The following ANKFN1 variants were observed in gnomAD, a reference collection of about 807,000 sequenced individuals.
ANKFN1 encodes the protein ankyrin repeat and fibronectin type-III domain-containing protein 1.
In ANKFN1, 74 loss-of-function variants were observed where a neutral mutation model predicts 108.7. That is an observed-to-expected ratio of 0.68 (90% CI 0.56 to 0.83). The LOEUF (loss-of-function observed/expected upper bound fraction) is 0.83. Ranked by LOEUF, ANKFN1 falls within the 40% of genes least tolerant of loss-of-function variation. ANKFN1 has a pLI of 0.00. For synonymous variants in ANKFN1, 547 were observed against 516.2 expected (o/e 1.06, Z -0.81); for missense variants, 1,505 against 1,382.3 (o/e 1.09, Z -1.41).
intron 5 of ANKFN1, among the ~76,000 whole-genome samples, chr17:56,351,438 G>C (rs8066008): frequency 1.7e-5 from 2 of 118,894 alleles, no homozygotes; most frequent in Non-Finnish European, 3.9e-5. Flanking sequence ...AGGAAAGTAA[G>C]GGAAAAATAT....
chr17:56,281,687 C>T (rs1383049315), intron 3 of ANKFN1, among the ~76,000 whole-genome samples: 1 of 152,144 alleles, frequency 6.6e-6, no homozygotes, highest in Non-Finnish European at 1.5e-5. Context: ...AGGCAAAAAA[C>T]TTGAACAAAC....
At chr17:56,393,970 G>A (rs963265539) in intron 8 of ANKFN1, among the ~76,000 whole-genome samples, 1 of 152,238 alleles carries the variant, frequency 6.6e-6, no homozygotes, top group Admixed American at 6.5e-5. Flanking sequence ...GTATCAGGTA[G>A]TGCACAAGCC....
rs957724 is a variant in ANKFN1, at chr17:56,372,677, C to A, written c.633C>A (p.Leu211=). The A allele has an allele frequency of 0.66, 1,065,783 of 1,612,734 alleles. 361,209 individuals carry two copies. Among genetic ancestry groups the A allele is most frequent in the East Asian group, 0.94 (42,002 of 44,828 alleles). Residue 211 remains leucine (L), a synonymous_variant, in exon 7 of 21, where the codon CTC becomes CTA. Coordinates refer to ENST00000682825, the MANE Select transcript of ANKFN1 (RefSeq NM_001370326.1). Reference sequence around the variant, plus strand: ...GCCTGGAAAGCCGAGCAATGCACCTCAACACACTGGTCCAGGAAGCCCAGG... The same window carrying A: ...GCCTGGAAAGCCGAGCAATGCACCTAAACACACTGGTCCAGGAAGCCCAGG... The part of the protein sequence containing the change: ...FVSLESRAMH[L]NTLVQEAQER...
chr17:56,228,115 T>TCAATAGTATGTTATA, intron 3 of ANKFN1, 158 bp downstream of exon 3: 1 of 597,362 alleles, frequency 1.7e-6, no homozygotes, highest in Non-Finnish European at 2.8e-6. Flanking sequence ...TTGTATAACA[T>TCAATAGTATGTTATA]CATGGAACAT....
At chr17:56,202,788 A>G (rs976064336) in intron 1 of ANKFN1, among the ~76,000 whole-genome samples, 1 of 152,240 alleles carries the variant, frequency 6.6e-6, no homozygotes, top group Admixed American at 6.5e-5. Context: ...AATATTCTGG[A>G]ACTGTTCAAA....
rs183405471 is a variant in ANKFN1, at chr17:56,085,399, C to A, written c.288+39074C>A. On this transcript the variant is annotated intron_variant, in intron 4 of 12. Coordinates refer to the ANKFN1 transcript ENST00000635860. ...AGGCCATGTGAAAACAGAGGCAGAACTTAGTGATGTGGCCACAAGCCAAGG... is the reference window on the plus strand; with the variant it reads ...AGGCCATGTGAAAACAGAGGCAGAAATTAGTGATGTGGCCACAAGCCAAGG... Among the ~76,000 whole-genome samples, 261 of 150,806 alleles carry A rather than the reference C, an allele frequency of 1.7e-3. 6 individuals carry two copies. The highest frequency in any genetic ancestry group is 6.1e-3 in the African/African-American group (250 of 41,100).
chr17:56,182,455 CACA>C (rs1911778966), intron 1 of ANKFN1, among the ~76,000 whole-genome samples: 1 of 152,152 alleles, frequency 6.6e-6, no homozygotes, highest in Admixed American at 6.6e-5. Context: ...TCAAACCAGA[CACA>C]ACATTTCCCA....
chr17:56,243,774 C>T (rs1373257049), intron 3 of ANKFN1, among the ~76,000 whole-genome samples: 1 of 152,110 alleles, frequency 6.6e-6, no homozygotes, highest in Non-Finnish European at 1.5e-5. Flanking sequence ...TACACGCACA[C>T]ATACACACAT....
chr17:56,285,852 T>C (rs1392949524), intron 3 of ANKFN1, among the ~76,000 whole-genome samples: 2 of 151,624 alleles, frequency 1.3e-5, no homozygotes, highest in Non-Finnish European at 3.0e-5. Flanking sequence ...ATGATGATGA[T>C]GATGATGATG....
intron 2 of ANKFN1, among the ~76,000 whole-genome samples, chr17:56,214,022 T>C (rs781071344): frequency 3.9e-5 from 6 of 152,174 alleles, no homozygotes; most frequent in African/African-American, 1.4e-4. Context: ...TTACTCCAGA[T>C]GTAGGTATAA....
chr17:56,193,460 T>C (rs572021818), intron 1 of ANKFN1, among the ~76,000 whole-genome samples: 1 of 150,494 alleles, frequency 6.6e-6, no homozygotes, highest in Admixed American at 6.6e-5. Context: ...TGTAGCGTTT[T>C]TAAAAAAAAA....
rs1256862478 is a variant in ANKFN1 at position 56,467,810 on chromosome 17, G to GAA, written c.1773+1241_1773+1242dup. Among the ~76,000 whole-genome samples the GAA allele has an allele frequency of 7.6e-4, 28 of 36,728 alleles. 1 individual carries two copies. Among genetic ancestry groups the GAA allele is most frequent in the African/African-American group, 1.5e-3 (12 of 8,090 alleles). The allele number at this position is 36,728 out of a possible 152,430, so 24.1% of individuals were successfully genotyped here. A position where few individuals can be genotyped will look rare whatever the true frequency, so the allele number is the denominator to read the frequency against. The stretch of plus-strand genomic sequence containing the variant: ...AAGAAAGAAGAAAGAAAGAAAGAAA[G>GAA]AAAGAAAGAAAGAAAGAAAGAAAGA... On this transcript the variant is annotated intron_variant, in intron 15 of 20. Coordinates refer to ENST00000682825, the MANE Select transcript of ANKFN1 (RefSeq NM_001370326.1).
chr17:56,170,041 T>G (rs1204848965), intron 1 of ANKFN1, among the ~76,000 whole-genome samples: 1 of 152,118 alleles, frequency 6.6e-6, no homozygotes, highest in Non-Finnish European at 1.5e-5. Context: ...AAAAAAGACC[T>G]TGCAAGCCCC....
chr17:56,279,544 A>AAC (rs1188393818), intron 3 of ANKFN1, among the ~76,000 whole-genome samples: 2 of 152,192 alleles, frequency 1.3e-5, no homozygotes, highest in African/African-American at 4.8e-5. Context: ...GGAGCAGAAT[A>AAC]ACACACCTGG....
At chr17:56,294,248 C>T (rs2044447078) in intron 3 of ANKFN1, among the ~76,000 whole-genome samples, 1 of 152,182 alleles carries the variant, frequency 6.6e-6, no homozygotes, top group Non-Finnish European at 1.5e-5. Flanking sequence ...GCCCTGTTTC[C>T]CTCCAGTGGC....
At chr17:56,465,161 G>A (rs1417187912) in intron 14 of ANKFN1, among the ~76,000 whole-genome samples, 1 of 151,912 alleles carries the variant, frequency 6.6e-6, no homozygotes, top group Non-Finnish European at 1.5e-5. Context: ...GTACCCCACA[G>A]GGCTGGACTA....
chr17:56,228,802 T>C (rs987955788), intron 3 of ANKFN1, among the ~76,000 whole-genome samples: 1 of 152,098 alleles, frequency 6.6e-6, no homozygotes, highest in Non-Finnish European at 1.5e-5. Flanking sequence ...GGTTGAGTCA[T>C]GTACCCTCAT....
rs200266803 is a variant in ANKFN1, at chr17:56,515,971, AT to A, written c.*4711del. Among the ~76,000 whole-genome samples the A allele has an allele frequency of 2.6e-5, 4 of 151,860 alleles. No individual in the cohort carries two copies. The highest frequency in any genetic ancestry group is 2.1e-4 in the South Asian group (1 of 4,802). Reference sequence around the variant, plus strand: ...TTATCATAGGGTCTTTCTCCTACAGATTTTTTTTTATTTTAGCAAAAGCCAA... The same window carrying A: ...TTATCATAGGGTCTTTCTCCTACAGATTTTTTTTATTTTAGCAAAAGCCAA... On this transcript the variant is annotated 3_prime_UTR_variant, in exon 21 of 21. Transcript: ENST00000682825.
chr17:56,257,154 A>G (rs1309830457), intron 3 of ANKFN1, among the ~76,000 whole-genome samples: 3 of 152,226 alleles, frequency 2.0e-5, no homozygotes, highest in Non-Finnish European at 2.9e-5. Flanking sequence ...GGTGCCTGGT[A>G]TAGTAAGAAC....
Sources: allele counts gnomAD v4.1 joint callset (sites outside exome capture counted in the v4.1 genomes callset), GRCh38; gene constraint gnomAD v4.1.1; transcripts MANE v1.5; gene names NCBI Gene and HGNC (gene_info 2026-07-23, HGNC 2026-07-21).